Variants in MMP16 observed in about 807,000 individuals in gnomAD.
MMP16 encodes matrix metallopeptidase 16.
In MMP16, 12 loss-of-function variants were observed where a neutral mutation model predicts 67.8. The observed-to-expected ratio is 0.18, with a 90% CI of 0.11 to 0.29. The LOEUF (loss-of-function observed/expected upper bound fraction) is 0.29. Ranked by LOEUF, MMP16 falls within the 10% of genes least tolerant of loss-of-function variation. The probability of loss-of-function intolerance (pLI) is 1.00; values close to 1 mark genes in which losing one functional copy is unlikely to be tolerated. For missense variants in MMP16, 475 were observed against 765.7 expected, an observed-to-expected ratio of 0.62 and a Z score of 4.48; for synonymous variants, 249 against 255.9, an observed-to-expected ratio of 0.97 and a Z score of 0.26.
intron 8 of MMP16, among the ~76,000 whole-genome samples, chr8:88,050,960 G>A (rs766327552): frequency 7.2e-5 from 11 of 152,082 alleles, no homozygotes; most frequent in Admixed American, 2.0e-4. Flanking sequence ...AACATAATTC[G>A]GGTATGAATT....
intron 4 of MMP16, among the ~76,000 whole-genome samples, chr8:88,153,517 G>A (rs1485107898): frequency 6.6e-6 from 1 of 152,060 alleles, no homozygotes; most frequent in African/African-American, 2.4e-5. Flanking sequence ...CCAAAACAGA[G>A]ATATAGATCA....
intron 1 of MMP16, among the ~76,000 whole-genome samples, chr8:88,238,817 C>G (rs939919281): frequency 6.6e-6 from 1 of 151,514 alleles, no homozygotes; most frequent in Non-Finnish European, 1.5e-5. Context: ...TGAGAAAATA[C>G]TATGATAGAA....
chr8:88,156,781 T>G (rs1398798578), intron 4 of MMP16, among the ~76,000 whole-genome samples: 1 of 152,150 alleles, frequency 6.6e-6, no homozygotes, highest in East Asian at 1.9e-4. Flanking sequence ...TCATTTTGTC[T>G]TGTTGATGTC....
At chr8:88,201,627 A>G (rs1055306361) in intron 1 of MMP16, among the ~76,000 whole-genome samples, 2 of 152,162 alleles carry the variant, frequency 1.3e-5, no homozygotes, top group Non-Finnish European at 2.9e-5. Context: ...TTTAAAATAT[A>G]TTCTGATATA....
intron 1 of MMP16, among the ~76,000 whole-genome samples, chr8:88,304,536 G>A (rs1403791181): frequency 6.6e-6 from 1 of 152,226 alleles, no homozygotes. Context: ...AATGTTAAGG[G>A]CTGCCAGAGA....
At chr8:88,085,888 T>TAAGTACAGAAGACGTCTGACTGCGA (rs1414139458) in intron 6 of MMP16, among the ~76,000 whole-genome samples, 4 of 149,818 alleles carry the variant, frequency 2.7e-5, no homozygotes, top group African/African-American at 7.6e-5. Context: ...CACTGAAGAG[T>TAAGTACAGAAGACGTCTGACTGCGA]TTAGTGATGT....
At chr8:88,209,723 C>G (rs1398626517) in intron 1 of MMP16, among the ~76,000 whole-genome samples, 1 of 151,826 alleles carries the variant, frequency 6.6e-6, no homozygotes, top group African/African-American at 2.4e-5. Flanking sequence ...AATATTTGTC[C>G]TTTTGTGTCT....
chr8:88,323,309 G>A (rs1423816839), intron 1 of MMP16, among the ~76,000 whole-genome samples: 3 of 152,076 alleles, frequency 2.0e-5, no homozygotes, highest in Admixed American at 6.6e-5. Flanking sequence ...CAATACAAAA[G>A]TACCCAATGC....
chr8:88,217,438 T>C (rs1809612034), intron 1 of MMP16, among the ~76,000 whole-genome samples: 1 of 152,106 alleles, frequency 6.6e-6, no homozygotes, highest in Non-Finnish European at 1.5e-5. Flanking sequence ...CCCATATCTA[T>C]ATCTATACAT....
chr8:88,034,470 T>C lies in MMP16; in HGVS notation c.*6991A>G, dbSNP rs1342848295. The C allele has an allele frequency of 6.6e-6, 1 of 152,372 alleles. No homozygotes were observed. The allele number at this position is 152,372 out of a possible 1,614,324, so 9.4% of individuals were successfully genotyped here. ...TAATTAAGATAGTGAAATTTTGTAC[T>C]TATGAACATATAAAGGAATAATTGA... is the stretch of plus-strand genomic sequence containing the variant. On this transcript the variant is annotated 3_prime_UTR_variant, in exon 10 of 10. Coordinates refer to ENST00000286614, the MANE Select transcript of MMP16 (RefSeq NM_005941.5).
rs751526388 is a variant in MMP16, at chr8:88,216,386, G to A, written c.133-19080C>T. 5.9e-5 allele frequency among the ~76,000 whole-genome samples: 9 copies of A among 152,126 alleles called. 1 individual carries two copies. Among genetic ancestry groups the A allele is most frequent in the South Asian group, 2.1e-4 (1 of 4,824 alleles). ...TTCAATACCCTGAATATTGTATTTC[G>A]TATAAACATAAACATTTTCCTACAA... On this transcript the variant is annotated intron_variant, in intron 1 of 9. Transcript: ENST00000286614.
At chr8:88,247,010 A>C (rs1349895646) in intron 1 of MMP16, among the ~76,000 whole-genome samples, 1 of 152,154 alleles carries the variant, frequency 6.6e-6, no homozygotes, top group Non-Finnish European at 1.5e-5. Context: ...TTACAAAATA[A>C]GACAGTGAAT....
intron 1 of MMP16, among the ~76,000 whole-genome samples, chr8:88,218,547 G>T (rs76226087): frequency 6.6e-6 from 1 of 151,992 alleles, no homozygotes; most frequent in African/African-American, 2.4e-5. Flanking sequence ...ACTTGATAGT[G>T]GTAATTGTTT....
At chr8:88,067,336 G>A (rs1485907044) in intron 7 of MMP16, among the ~76,000 whole-genome samples, 1 of 151,970 alleles carries the variant, frequency 6.6e-6, no homozygotes, top group African/African-American at 2.4e-5. Flanking sequence ...GAATCAAATT[G>A]TACTACCTAT....
At chr8:88,289,073 T>C (rs75901289) in intron 1 of MMP16, among the ~76,000 whole-genome samples, 1 of 151,804 alleles carries the variant, frequency 6.6e-6, no homozygotes, top group Admixed American at 6.6e-5. Context: ...AGTTAGATAA[T>C]GGGGAGAACA....
chr8:88,123,250 G>T (rs28907622), intron 4 of MMP16, among the ~76,000 whole-genome samples: 6,996 of 151,998 alleles, frequency 0.046, 358 homozygotes, highest in East Asian at 0.19. Context: ...GCATGTGAGT[G>T]TTTATACAGC....
At chr8:88,293,673 T>C (rs1810960434) in intron 1 of MMP16, among the ~76,000 whole-genome samples, 1 of 152,144 alleles carries the variant, frequency 6.6e-6, no homozygotes, top group Admixed American at 6.5e-5. Context: ...ATAGGCACTA[T>C]TAATCTATTA....
intron 7 of MMP16, among the ~76,000 whole-genome samples, chr8:88,072,090 T>A (rs1373521677): frequency 6.6e-6 from 1 of 152,058 alleles, no homozygotes; most frequent in African/African-American, 2.4e-5. Flanking sequence ...GGATCAGCTG[T>A]CAGCAAAGGG....
intron 4 of MMP16, among the ~76,000 whole-genome samples, chr8:88,158,300 T>C (rs1808550152): frequency 6.6e-6 from 1 of 152,134 alleles, no homozygotes; most frequent in African/African-American, 2.4e-5. Flanking sequence ...AGTGTAAAAG[T>C]GTTCCTATTT....
Sources: gnomAD v4.1 joint callset for allele counts (sites outside exome capture counted in the v4.1 genomes callset) on GRCh38, gnomAD v4.1.1 for gene constraint, MANE v1.5 for transcripts, NCBI Gene and HGNC (gene_info 2026-07-23, HGNC 2026-07-21) for gene names.